Variants in GLT8D2 observed in about 807,000 individuals in gnomAD.
The protein encoded by GLT8D2 is glycosyltransferase 8 domain-containing protein 2.
Under a neutral mutation model 44.5 loss-of-function variants are expected in GLT8D2, and 45 were observed. That is an observed-to-expected ratio of 1.01 (90% confidence interval 0.80 to 1.30). The LOEUF is 1.30. Ranked by LOEUF, GLT8D2 falls within the 50% of genes most tolerant of loss-of-function variation. GLT8D2 has a pLI of 0.00. For missense variants in GLT8D2, 400 were observed against 430.4 expected (o/e 0.93, Z 0.62); for synonymous variants, 156 against 157.2 (o/e 0.99, Z 0.06).
intron 1 of GLT8D2, among the ~76,000 whole-genome samples, chr12:104,061,601 A>G (rs1482165195): frequency 1.3e-5 from 2 of 152,192 alleles, no homozygotes; most frequent in East Asian, 1.9e-4. Context: ...AAAAATATTA[A>G]TAGATAAATA....
intron 1 of GLT8D2, among the ~76,000 whole-genome samples, chr12:104,055,948 A>C (rs1882150614): frequency 6.6e-6 from 1 of 152,188 alleles, no homozygotes; most frequent in Non-Finnish European, 1.5e-5. Context: ...GTTCAGTTGC[A>C]GGTCATCTTC....
intron 1 of GLT8D2, among the ~76,000 whole-genome samples, chr12:104,045,957 ATAAG>A (rs1328280324): frequency 2.5e-5 from 3 of 119,278 alleles, no homozygotes; most frequent in African/African-American, 9.8e-5. Context: ...AAGAAAGAAA[ATAAG>A]AAAGAAAGAA....
At chr12:104,001,779 C>G (rs1273116769) in intron 5 of GLT8D2, among the ~76,000 whole-genome samples, 1 of 152,152 alleles carries the variant, frequency 6.6e-6, no homozygotes, top group African/African-American at 2.4e-5. Flanking sequence ...TCTCAGCTCA[C>G]TGCAACCTCC....
intron 1 of GLT8D2, among the ~76,000 whole-genome samples, chr12:104,048,088 T>C (rs911919555): frequency 1.3e-5 from 2 of 152,204 alleles, no homozygotes; most frequent in Admixed American, 6.5e-5. Context: ...AGATTTTCTA[T>C]ATACCAGTAC....
chr12:104,031,295 C>T, intron 1 of GLT8D2: 7 of 1,576,800 alleles, frequency 4.4e-6, no homozygotes, highest in Non-Finnish European at 6.1e-6. Context: ...AGAAATAGTT[C>T]CCCAGATCAA....
At chr12:104,022,468 C>G (rs12819539) in intron 1 of GLT8D2, among the ~76,000 whole-genome samples, 2,718 of 152,178 alleles carry the variant, frequency 0.018, 35 homozygotes, top group Middle Eastern at 0.027. Context: ...TATTAAAAGG[C>G]CTTTTTGTCT....
At chr12:104,064,397 C>G (rs1442406024), upstream of GLT8D2, 4 of 590,760 alleles carry the variant, frequency 6.8e-6, no homozygotes, top group Non-Finnish European at 1.0e-5. This position sits in a 1 kb window ranked among gnomAD's most constrained non-coding sequence, Gnocchi z 7.3. Flanking sequence ...TCAGGACCCC[C>G]CTTCCCCAGC....
At chr12:104,000,264 T>C (rs148929844) in intron 5 of GLT8D2, among the ~76,000 whole-genome samples, 3 of 152,250 alleles carry the variant, frequency 2.0e-5, no homozygotes, top group African/African-American at 7.2e-5. Context: ...AAAGATAGAC[T>C]AACAGCAAAA....
chr12:104,039,041 G>T (rs184268693), intron 1 of GLT8D2, among the ~76,000 whole-genome samples: 1,925 of 152,112 alleles, frequency 0.013, 18 homozygotes, highest in Non-Finnish European at 0.018. Context: ...ACAAGAAATA[G>T]GGAAAGGATT....
At chr12:104,061,239 A>G (rs2136562696) in intron 1 of GLT8D2, among the ~76,000 whole-genome samples, 1 of 152,338 alleles carries the variant, frequency 6.6e-6, no homozygotes, top group Non-Finnish European at 1.5e-5. Flanking sequence ...CTAAGCCACC[A>G]GTTATAGCTT....
At chr12:103,996,688 C>A in intron 8 of GLT8D2, 47 bp downstream of exon 8, 1 of 1,355,102 alleles carries the variant, frequency 7.4e-7, no homozygotes, top group South Asian at 1.2e-5. Context: ...GAGAAGGGGC[C>A]AGAGTTGTAG....
chr12:104,008,568 T>C (rs527263819), intron 4 of GLT8D2, among the ~76,000 whole-genome samples: 2 of 152,296 alleles, frequency 1.3e-5, no homozygotes, highest in Admixed American at 6.5e-5. Flanking sequence ...AAAAATAACA[T>C]TTTCTAAGGA....
chr12:104,064,243 T>C (rs191124727), upstream of GLT8D2: 692 of 288,358 alleles, frequency 2.4e-3, 3 homozygotes, highest in African/African-American at 0.014. The surrounding 1 kb of genome is among the most constrained non-coding windows in gnomAD (Gnocchi z 7.3). Context: ...AGGAAGATGC[T>C]GTGGCTTCTT....
chr12:104,056,369 C>T (rs941995583), intron 1 of GLT8D2, among the ~76,000 whole-genome samples: 1 of 152,226 alleles, frequency 6.6e-6, no homozygotes, highest in African/African-American at 2.4e-5. Context: ...TGGCCTGAGT[C>T]CTCAATTGAG....
chr12:104,016,706 A>C (rs1309951751), intron 3 of GLT8D2, among the ~76,000 whole-genome samples: 1 of 100,444 alleles, frequency 1.0e-5, no homozygotes, highest in African/African-American at 4.0e-5. Context: ...AAAGAAAGGG[A>C]GAGAGAAAGA....
chr12:103,991,652 G>A (rs759586007), intron 10 of GLT8D2, among the ~76,000 whole-genome samples: 5 of 152,044 alleles, frequency 3.3e-5, no homozygotes, highest in Non-Finnish European at 7.4e-5. Context: ...TTGACCTAAT[G>A]TTGAACCCAA....
At chr12:104,032,916 G>A (rs924140397) in intron 1 of GLT8D2, among the ~76,000 whole-genome samples, 15 of 145,494 alleles carry the variant, frequency 1.0e-4, no homozygotes, top group Admixed American at 3.5e-4. Flanking sequence ...TCGTTATATC[G>A]TCACCTGGGC....
intron 1 of GLT8D2, among the ~76,000 whole-genome samples, chr12:104,037,686 A>G (rs1428513890): frequency 6.6e-6 from 1 of 152,216 alleles, no homozygotes; most frequent in Non-Finnish European, 1.5e-5. Flanking sequence ...CCAGGACCAG[A>G]TGGATTCACA....
chr12:104,057,340 G>A (rs531236480), intron 1 of GLT8D2, among the ~76,000 whole-genome samples: 1 of 151,588 alleles, frequency 6.6e-6, no homozygotes, highest in African/African-American at 2.4e-5. Flanking sequence ...GAGCAACATA[G>A]GGAGACCCCG....
Sources: gnomAD v4.1 joint callset for allele counts (sites outside exome capture counted in the v4.1 genomes callset) on GRCh38, gnomAD v4.1.1 for gene constraint, Gnocchi (gnomAD v3.1) non-coding constraint, MANE v1.5 for transcripts, NCBI Gene and HGNC (gene_info 2026-07-23, HGNC 2026-07-21) for gene names.